PPARG: variants seen among roughly 807,000 people sequenced by gnomAD.
PPARG encodes the protein peroxisome proliferator-activated receptor gamma.
Under a neutral mutation model 39.2 loss-of-function variants are expected in PPARG, and 17 were observed. The observed-to-expected ratio is 0.43, with a 90% CI of 0.30 to 0.65. The LOEUF (loss-of-function observed/expected upper bound fraction) is 0.65, where lower values mean the gene tolerates loss of function less well. Among genes scored for constraint, PPARG ranks in the 30% least tolerant of loss-of-function variants. PPARG has a pLI of 0.13. For missense variants in PPARG, 406 were observed against 585.9 expected (o/e 0.69, Z 3.17); for synonymous variants, 223 against 215.7 (o/e 1.03, Z -0.30).
intron 1 of PPARG, among the ~76,000 whole-genome samples, chr3:12,294,200 A>G (rs368396860): frequency 1.8e-4 from 28 of 152,302 alleles, no homozygotes; most frequent in African/African-American, 6.7e-4. Flanking sequence ...AAATAGGAAA[A>G]TAACCATTTG....
In PPARG at chr3:12,417,902, C is replaced by CTTT. The variant is rs869086237; in HGVS notation, c.1180+769_1180+771dup. On this transcript the variant is annotated intron_variant, in intron 7 of 7. Transcript: ENST00000651735. ...CTTTTTTTTTTCTTTTTTTTTTTTC[C>CTTT]TTTTTTTTTTTTTTTTTTTTTTTGT... Among the ~76,000 whole-genome samples the CTTT allele has an allele frequency of 4.0e-3, 265 of 65,836 alleles. 3 individuals carry two copies. Among genetic ancestry groups the CTTT allele is most frequent in the Middle Eastern group, 0.017 (1 of 60 alleles). 43.2% of individuals were successfully genotyped at this position (65,836 alleles called of 152,430 possible).
intron 2 of PPARG, among the ~76,000 whole-genome samples, chr3:12,335,006 G>GGATCCA (rs1374077458): frequency 6.6e-6 from 1 of 152,160 alleles, no homozygotes; most frequent in East Asian, 1.9e-4. Flanking sequence ...CCATCATAAT[G>GGATCCA]GATCCAGATT....
chr3:12,368,799 A>C (rs1451660403), intron 2 of PPARG, among the ~76,000 whole-genome samples: 3 of 152,186 alleles, frequency 2.0e-5, no homozygotes, highest in Non-Finnish European at 2.9e-5. Flanking sequence ...GAGTTGGTAG[A>C]ATTTATTTTT....
At chr3:12,351,543 A>C (rs757329632) in intron 2 of PPARG, 1 of 1,380,024 alleles carries the variant, frequency 7.2e-7, no homozygotes, top group East Asian at 2.3e-5. Flanking sequence ...TTTGCTAGAT[A>C]GAGACAAAAT....
chr3:12,433,877 T>G, intron 7 of PPARG, 21 bp from the exon 8 acceptor site: 1 of 1,613,712 alleles, frequency 6.2e-7, no homozygotes, highest in Non-Finnish European at 8.5e-7. Context: ...CCTGTTGTGT[T>G]TTCCATATGT....
chr3:12,376,125 T>A (rs141206100), intron 2 of PPARG, among the ~76,000 whole-genome samples: 65 of 152,138 alleles, frequency 4.3e-4, no homozygotes, highest in Middle Eastern at 6.8e-3. Flanking sequence ...AATTTTGTAT[T>A]TTTAGCAGAG....
chr3:12,410,994 G>T (rs1370584784), intron 6 of PPARG, among the ~76,000 whole-genome samples: 1 of 152,142 alleles, frequency 6.6e-6, no homozygotes, highest in African/African-American at 2.4e-5. Context: ...ATAAAATCAG[G>T]ATAGTAGTGC....
chr3:12,322,286 T>C (rs1440968900), intron 2 of PPARG, among the ~76,000 whole-genome samples: 1 of 152,232 alleles, frequency 6.6e-6, no homozygotes, highest in Non-Finnish European at 1.5e-5. Flanking sequence ...AGACTAGTTA[T>C]TGGCATTTAA....
At chr3:12,329,047 G>C (rs1466418157) in intron 2 of PPARG, among the ~76,000 whole-genome samples, 1 of 152,060 alleles carries the variant, frequency 6.6e-6, no homozygotes, top group Admixed American at 6.6e-5. Context: ...TCCCAGCCCA[G>C]GTGGGCCAAT....
chr3:12,344,981 AC>A (rs1432506078), intron 2 of PPARG: 3 of 152,056 alleles, frequency 2.0e-5, no homozygotes, highest in Admixed American at 2.0e-4. Flanking sequence ...CCACATTGAA[AC>A]CCTATTCAAT....
At chr3:12,394,008 G>T (rs1449145107) in intron 5 of PPARG, among the ~76,000 whole-genome samples, 1 of 152,116 alleles carries the variant, frequency 6.6e-6, no homozygotes, top group Non-Finnish European at 1.5e-5. Context: ...GACTACATCT[G>T]CTGTATACAA....
intron 7 of PPARG, among the ~76,000 whole-genome samples, chr3:12,425,093 A>G (rs188038031): frequency 2.0e-5 from 3 of 152,214 alleles, no homozygotes; most frequent in East Asian, 3.8e-4. Context: ...CGCTTTATCA[A>G]CTATCGCTTT....
At chr3:12,428,120 C>T (rs998272573) in intron 7 of PPARG, among the ~76,000 whole-genome samples, 1 of 152,170 alleles carries the variant, frequency 6.6e-6, no homozygotes, top group Non-Finnish European at 1.5e-5. Context: ...AAAATCTGTG[C>T]TAGGGAAACA....
At chr3:12,355,426 G>A (rs565956276) in intron 2 of PPARG, among the ~76,000 whole-genome samples, 9 of 152,256 alleles carry the variant, frequency 5.9e-5, no homozygotes, top group South Asian at 4.2e-4. Context: ...GTGAGCCATC[G>A]CAGCCTGCCC....
At chr3:12,410,110 C>T (rs1416351740) in intron 6 of PPARG, among the ~76,000 whole-genome samples, 6 of 152,116 alleles carry the variant, frequency 3.9e-5, no homozygotes, top group South Asian at 4.1e-4. Flanking sequence ...TATAGATTGC[C>T]GGACAAGAAA....
At chr3:12,353,173 T>C (rs999155915) in intron 2 of PPARG, among the ~76,000 whole-genome samples, 5 of 152,220 alleles carry the variant, frequency 3.3e-5, no homozygotes, top group Non-Finnish European at 7.3e-5. Flanking sequence ...TGAGTCTCAA[T>C]TTCCTCTAAA....
chr3:12,308,738 A>G (rs960758575), intron 1 of PPARG, among the ~76,000 whole-genome samples: 2 of 152,164 alleles, frequency 1.3e-5, no homozygotes, highest in African/African-American at 2.4e-5. Context: ...AACACTACCA[A>G]TCAGGGCATT....
intron 7 of PPARG, among the ~76,000 whole-genome samples, chr3:12,417,877 C>CTTTTTTTTTTTT (rs1248011965): frequency 1.5e-5 from 1 of 64,648 alleles, no homozygotes; most frequent in African/African-American, 4.7e-5. Flanking sequence ...TGACTTTTTT[C>CTTTTTTTTTTTT]TTTTTTTTTT....
chr3:12,405,373 A>G (rs1047828365), intron 5 of PPARG, among the ~76,000 whole-genome samples: 5 of 152,222 alleles, frequency 3.3e-5, no homozygotes, highest in African/African-American at 1.2e-4. Flanking sequence ...AGCACCATCC[A>G]TATTTCTTTT....
Sources: allele counts gnomAD v4.1 joint callset (sites outside exome capture counted in the v4.1 genomes callset), GRCh38; gene constraint gnomAD v4.1.1; transcripts MANE v1.5; gene names NCBI Gene and HGNC (gene_info 2026-07-23, HGNC 2026-07-21).